KIF6: variants seen among roughly 807,000 people sequenced by gnomAD.
KIF6 encodes kinesin family member 6, also known as kinesin-like protein KIF6.
KIF6 carries 106 observed loss-of-function variants against 112.7 expected under a neutral mutation model. The ratio of observed to expected loss-of-function variants is 0.94; its 90% CI spans 0.80 to 1.11. KIF6 has a LOEUF of 1.11. Among genes scored for constraint, KIF6 ranks in the 50% least tolerant of loss-of-function variants. The pLI, the probability that KIF6 is intolerant of heterozygous loss-of-function variation, is 0.00. For missense variants in KIF6, 929 were observed against 964.0 expected (o/e 0.96, Z 0.48); for synonymous variants, 339 against 339.9 (o/e 1.00, Z 0.03).
intron 13 of KIF6, among the ~76,000 whole-genome samples, chr6:39,457,996 A>C (rs541677093): frequency 0.029 from 4,444 of 150,752 alleles, 218 homozygotes; most frequent in African/African-American, 0.1. Context: ...ATAGAAAAAG[A>C]GGAAATCCTC....
At chr6:39,500,356 C>A (rs1389793838) in intron 13 of KIF6, among the ~76,000 whole-genome samples, 1 of 152,064 alleles carries the variant, frequency 6.6e-6, no homozygotes, top group African/African-American at 2.4e-5. Flanking sequence ...GGAGAACTGG[C>A]AAGAATAAAT....
intron 9 of KIF6, among the ~76,000 whole-genome samples, chr6:39,581,964 T>C (rs1781322399): frequency 6.6e-6 from 1 of 152,212 alleles, no homozygotes; most frequent in African/African-American, 2.4e-5. Flanking sequence ...ATATTGAGTA[T>C]TTTGAACATG....
chr6:39,668,079 T>C (rs1359678278), intron 3 of KIF6, among the ~76,000 whole-genome samples: 1 of 146,044 alleles, frequency 6.8e-6, no homozygotes, highest in African/African-American at 2.4e-5. Context: ...CCTTCCGCCA[T>C]GATTGTAAGC....
intron 13 of KIF6, among the ~76,000 whole-genome samples, chr6:39,504,189 A>G (rs942471492): frequency 3.3e-5 from 5 of 152,256 alleles, no homozygotes; most frequent in African/African-American, 1.2e-4. Flanking sequence ...CCAGGATGCA[A>G]GGCTGATTCA....
chr6:39,673,431 A>C (rs1189088823), intron 3 of KIF6, among the ~76,000 whole-genome samples: 6 of 152,194 alleles, frequency 3.9e-5, no homozygotes, highest in Non-Finnish European at 8.8e-5. Context: ...CTTAGCATAC[A>C]TATGTAAATA....
rs376561713 is a variant in KIF6 at position 39,524,364 on chromosome 6, C to G, written c.1645+15639G>C. Among the ~76,000 whole-genome samples, 14 of 152,198 alleles carry G rather than the reference C, an allele frequency of 9.2e-5. No individual in the cohort carries two copies. In the South Asian group the frequency reaches 2.9e-3, roughly 32 times the overall value. ...TATTACTATAGAGTTACATTGTGGG[C>G]TTTAAAGTTATGTAATTCAGCTAAA... On this transcript the variant is annotated intron_variant, in intron 13 of 22. Transcript: ENST00000287152.
chr6:39,494,546 T>C (rs1210017213), intron 13 of KIF6, among the ~76,000 whole-genome samples: 1 of 152,236 alleles, frequency 6.6e-6, no homozygotes, highest in Non-Finnish European at 1.5e-5. Flanking sequence ...AACAAAAGCA[T>C]ATGTTAAATT....
chr6:39,613,421 A>G, intron 5 of KIF6, 103 bp from the exon 6 acceptor site: 1 of 819,564 alleles, frequency 1.2e-6, no homozygotes, highest in African/African-American at 1.8e-5. Flanking sequence ...GACGTCTTGA[A>G]CTTATAAAAG....
chr6:39,485,001 T>C (rs538795487), intron 13 of KIF6, among the ~76,000 whole-genome samples: 30 of 152,304 alleles, frequency 2.0e-4, no homozygotes, highest in African/African-American at 6.3e-4. Context: ...CAGCAATTCA[T>C]TGTCATCTCC....
At chr6:39,557,291 T>C (rs1348325369) in intron 10 of KIF6, among the ~76,000 whole-genome samples, 1 of 152,130 alleles carries the variant, frequency 6.6e-6, no homozygotes, top group East Asian at 1.9e-4. Flanking sequence ...CTAAAGCAAG[T>C]GTATGTAAAT....
chr6:39,385,511 A>T, intron 16 of KIF6, 111 bp downstream of exon 16: 1 of 872,376 alleles, frequency 1.1e-6, no homozygotes, highest in Non-Finnish European at 1.9e-6. Flanking sequence ...TGCCATCCTT[A>T]ACCTCAGAGA....
chr6:39,516,986 A>G (rs1455799167), intron 13 of KIF6, among the ~76,000 whole-genome samples: 3 of 152,312 alleles, frequency 2.0e-5, no homozygotes, highest in Middle Eastern at 3.4e-3. Context: ...TCAGAGTAGC[A>G]AATTTCATTC....
chr6:39,422,684 G>C (rs1562200767), intron 14 of KIF6, among the ~76,000 whole-genome samples: 1 of 152,154 alleles, frequency 6.6e-6, no homozygotes, highest in Non-Finnish European at 1.5e-5. Context: ...GCGAGAAAGA[G>C]GGTGACCCCA....
chr6:39,392,911 T>C (rs1443269051), intron 15 of KIF6, among the ~76,000 whole-genome samples: 1 of 152,200 alleles, frequency 6.6e-6, no homozygotes, highest in Non-Finnish European at 1.5e-5. Flanking sequence ...GAGAAAAATA[T>C]AAGCCCTTGG....
intron 15 of KIF6, 98 bp from the exon 16 acceptor site, chr6:39,385,770 A>AC (rs1767363666): frequency 2.6e-6 from 2 of 782,506 alleles, no homozygotes; most frequent in African/African-American, 3.5e-5. Flanking sequence ...AAAAAAAAAA[A>AC]AGGTAGAGTA....
intron 22 of KIF6, among the ~76,000 whole-genome samples, chr6:39,338,969 G>A (rs1049626355): frequency 6.6e-6 from 1 of 151,968 alleles, no homozygotes; most frequent in Non-Finnish European, 1.5e-5. Context: ...TGGGGCCTGG[G>A]AAGAAATGCT....
chr6:39,640,665 C>T (rs1784854845), intron 3 of KIF6, among the ~76,000 whole-genome samples: 1 of 152,066 alleles, frequency 6.6e-6, no homozygotes, highest in Non-Finnish European at 1.5e-5. Flanking sequence ...TGTCAACATC[C>T]TATCTACAGT....
chr6:39,419,235 T>C (rs945774883), intron 15 of KIF6, among the ~76,000 whole-genome samples: 2 of 150,044 alleles, frequency 1.3e-5, no homozygotes, highest in African/African-American at 4.9e-5. Flanking sequence ...GCACCCATAG[T>C]CCCAGTCACA....
intron 17 of KIF6, 129 bp from the exon 18 acceptor site, chr6:39,360,659 A>C: frequency 9.8e-7 from 1 of 1,021,992 alleles, no homozygotes; most frequent in Non-Finnish European, 1.4e-6. Flanking sequence ...AGGGACTGGG[A>C]CCCTATAGGA....
Sources: gnomAD v4.1 joint callset for allele counts (sites outside exome capture counted in the v4.1 genomes callset) on GRCh38, gnomAD v4.1.1 for gene constraint, MANE v1.5 for transcripts, NCBI Gene and HGNC (gene_info 2026-07-23, HGNC 2026-07-21) for gene names.